UNC13C: variants seen among roughly 807,000 people sequenced by gnomAD.
UNC13C encodes unc-13 homolog C.
In UNC13C, 174 loss-of-function variants were observed where a neutral mutation model predicts 245.4. The ratio of observed to expected loss-of-function variants is 0.71; its 90% CI spans 0.63 to 0.80. The LOEUF (loss-of-function observed/expected upper bound fraction) is 0.80, where lower values mean the gene tolerates loss of function less well. Ranked by LOEUF, UNC13C falls within the 30% of genes least tolerant of loss-of-function variation. UNC13C has a pLI of 0.00. For synonymous variants in UNC13C, 992 were observed against 895.1 expected (o/e 1.11, Z -1.93); for missense variants, 2,829 against 2,602.9 (o/e 1.09, Z -1.89).
intron 28 of UNC13C, among the ~76,000 whole-genome samples, chr15:54,550,354 G>A (rs28412587): frequency 0.24 from 36,807 of 151,862 alleles, 9,042 homozygotes; most frequent in African/African-American, 0.63. Flanking sequence ...TGCAAAAAAA[G>A]AATAATATCA....
chr15:54,072,827 C>G (rs758841841), intron 2 of UNC13C, among the ~76,000 whole-genome samples: 26 of 152,112 alleles, frequency 1.7e-4, no homozygotes, highest in Non-Finnish European at 1.2e-4. Flanking sequence ...CTAACCAAAC[C>G]TTGACGTTGC....
chr15:54,187,849 G>T (rs1456767265), intron 4 of UNC13C, among the ~76,000 whole-genome samples: 2 of 151,820 alleles, frequency 1.3e-5, no homozygotes, highest in Non-Finnish European at 2.9e-5. Flanking sequence ...TTGCTCTGTT[G>T]CCCAGGCTGG....
At chr15:54,457,529 T>C (rs1891597714) in intron 19 of UNC13C, among the ~76,000 whole-genome samples, 1 of 152,092 alleles carries the variant, frequency 6.6e-6, no homozygotes, top group Non-Finnish European at 1.5e-5. Context: ...TGGCAATTTT[T>C]TTAAAGACTA....
chr15:53,872,372 G>C, the UNC13C span, among the ~76,000 whole-genome samples: 3 of 152,070 alleles, frequency 2.0e-5, no homozygotes, highest in Admixed American at 6.6e-5. Flanking sequence ...TCCAGGTAAG[G>C]GGTTGGAGAA....
Position 54,428,221 on chromosome 15 carries a change from C to G in UNC13C, c.4933+13154C>G, listed in dbSNP as rs183313270. Among the ~76,000 whole-genome samples, 44 of 151,836 alleles carry G rather than the reference C, an allele frequency of 2.9e-4. 1 individual carries two copies. The highest frequency in any genetic ancestry group is 2.9e-5 in the Non-Finnish European group (2 of 67,808). ...TGTTTTGATCTGACAAAAATCAAAT[C>G]ATGTCTCTCTTCTGTTCATGACCCT... On this transcript the variant is annotated intron_variant, in intron 19 of 32. Transcript: ENST00000260323.
In UNC13C at chr15:54,265,543, A is replaced by G. The variant is rs1031879901; in HGVS notation, c.3818+47A>G. Reference sequence around the variant, plus strand: ...TTTACAAATATTAAATTATTTAACAATGAATTTAAGACAGGCATACAAAGG... The same window carrying G: ...TTTACAAATATTAAATTATTTAACAGTGAATTTAAGACAGGCATACAAAGG... On this transcript the variant is annotated intron_variant, in intron 10 of 32. Coordinates refer to ENST00000260323, the MANE Select transcript of UNC13C (RefSeq NM_001080534.3). 3.7e-6 allele frequency: 5 copies of G among 1,369,798 alleles called. No individual in the cohort carries two copies. In the African/African-American group the frequency reaches 7.3e-5, roughly 20 times the overall value. The allele number at this position is 1,369,798 out of a possible 1,614,324, so 84.9% of individuals were successfully genotyped here. A position where few individuals can be genotyped will look rare whatever the true frequency, so the allele number is the denominator to read the frequency against.
chr15:54,357,115 C>T (rs899296083), intron 17 of UNC13C, among the ~76,000 whole-genome samples: 1 of 151,988 alleles, frequency 6.6e-6, no homozygotes, highest in Non-Finnish European at 1.5e-5. Context: ...TTGTAAACTA[C>T]AGTCCCCACT....
intron 19 of UNC13C, among the ~76,000 whole-genome samples, chr15:54,449,803 C>A (rs1314997216): frequency 6.6e-6 from 1 of 152,188 alleles, no homozygotes; most frequent in African/African-American, 2.4e-5. Flanking sequence ...CAGCTTTGTT[C>A]CACTGCTGGT....
intron 17 of UNC13C, among the ~76,000 whole-genome samples, chr15:54,357,685 G>A (rs867066781): frequency 2.0e-5 from 3 of 152,076 alleles, no homozygotes; most frequent in Admixed American, 2.0e-4. Context: ...TTAGGAGAAA[G>A]TAATCTGGGG....
At chr15:54,056,361 C>G (rs980663578) in intron 2 of UNC13C, among the ~76,000 whole-genome samples, 1 of 151,954 alleles carries the variant, frequency 6.6e-6, no homozygotes, top group African/African-American at 2.4e-5. Flanking sequence ...AGGGTATCAG[C>G]AATGGAAGAC....
intron 17 of UNC13C, among the ~76,000 whole-genome samples, chr15:54,361,248 T>C (rs901919957): frequency 6.6e-6 from 1 of 152,192 alleles, no homozygotes; most frequent in African/African-American, 2.4e-5. Context: ...TTGTTGAGGC[T>C]TTCTAATGTG....
chr15:54,248,818 G>A (rs994130764), intron 7 of UNC13C, among the ~76,000 whole-genome samples: 4 of 152,114 alleles, frequency 2.6e-5, no homozygotes, highest in South Asian at 2.1e-4. Flanking sequence ...CTGAGGCTCC[G>A]TTCCCTGGTA....
chr15:54,294,160 T>A, intron 11 of UNC13C, 96 bp downstream of exon 11: 1 of 1,108,496 alleles, frequency 9.0e-7, no homozygotes, highest in Non-Finnish European at 1.2e-6. Flanking sequence ...AAATAACCAA[T>A]GCCTTTCCAG....
At chr15:54,243,105 T>C (rs1048587853) in intron 7 of UNC13C, among the ~76,000 whole-genome samples, 1 of 152,076 alleles carries the variant, frequency 6.6e-6, no homozygotes, top group Non-Finnish European at 1.5e-5. Context: ...CCAGCATCTA[T>C]TAGCTATTCT....
chr15:53,948,562 G>A, the UNC13C span: 1 of 151,238 alleles, frequency 6.6e-6, no homozygotes, highest in Non-Finnish European at 1.5e-5. Context: ...TGTAGTGACT[G>A]GAGATTGTGC....
chr15:54,626,876 A>G lies in UNC13C; in HGVS notation c.6408A>G (p.Ser2136=), dbSNP rs1312263562. The change falls in exon 33 of 33, where the codon TCA becomes TCG. Residue 2136 remains serine (S), a synonymous_variant. Coordinates refer to ENST00000260323, the MANE Select transcript of UNC13C (RefSeq NM_001080534.3). ...CAGGGGCTTATGAACTTCATCTCTC[A>G]GTTAAGGATTACTGCTTTGCCAGAG... The part of the protein sequence containing the change: ...NRPGAYELHL[S]VKDYCFARED... 6.2e-7 allele frequency: 1 copy of G among 1,613,248 alleles called. No individual in the cohort carries two copies.
intron 24 of UNC13C, among the ~76,000 whole-genome samples, chr15:54,512,100 T>C (rs1488150047): frequency 4.6e-5 from 7 of 152,210 alleles, no homozygotes; most frequent in Non-Finnish European, 7.3e-5. Context: ...TGTAGTCATA[T>C]ATACACACAT....
chr15:54,373,022 C>T (rs962279886), intron 17 of UNC13C, among the ~76,000 whole-genome samples: 2 of 152,160 alleles, frequency 1.3e-5, no homozygotes, highest in African/African-American at 4.8e-5. Context: ...GCTGACTCAG[C>T]CAGTCCTCTG....
At chr15:53,969,054 A>T in the UNC13C span, among the ~76,000 whole-genome samples, 14 of 152,168 alleles carry the variant, frequency 9.2e-5, no homozygotes, top group Non-Finnish European at 1.9e-4. Context: ...GTTTTATAGG[A>T]TAAAGAGAAT....
Sources: allele counts gnomAD v4.1 joint callset (sites outside exome capture counted in the v4.1 genomes callset), GRCh38; gene constraint gnomAD v4.1.1; transcripts MANE v1.5; gene names NCBI Gene and HGNC (gene_info 2026-07-23, HGNC 2026-07-21).